The following ATP10B variants were observed in gnomAD, a reference collection of about 807,000 sequenced individuals.
ATP10B encodes the protein phospholipid-transporting ATPase VB.
ATP10B carries 122 observed loss-of-function variants against 141.2 expected under a neutral mutation model. That is an observed-to-expected ratio of 0.86 (90% CI 0.75 to 1.00). The LOEUF is 1.00. Among genes scored for constraint, ATP10B ranks in the 50% least tolerant of loss-of-function variants. ATP10B has a pLI of 0.00. For synonymous variants in ATP10B, 685 were observed against 692.0 expected, an observed-to-expected ratio of 0.99 and a Z score of 0.16; for missense variants, 1,876 against 1,825.3, an observed-to-expected ratio of 1.03 and a Z score of -0.51.
intron 2 of ATP10B, among the ~76,000 whole-genome samples, chr5:160,738,581 G>A (rs1429378935): frequency 1.3e-5 from 2 of 151,970 alleles, no homozygotes; most frequent in African/African-American, 2.4e-5. Context: ...CTACAATCAT[G>A]AAAGGATAAT....
chr5:160,642,220 C>T (rs1759923837), intron 9 of ATP10B, among the ~76,000 whole-genome samples: 2 of 152,268 alleles, frequency 1.3e-5, no homozygotes, highest in South Asian at 4.1e-4. Context: ...AATTCCTCAT[C>T]TAAAAAATGG....
chr5:160,852,573 A>G (rs2127994022), upstream of ATP10B, among the ~76,000 whole-genome samples: 1 of 152,276 alleles, frequency 6.6e-6, no homozygotes, highest in African/African-American at 2.4e-5. Context: ...ATTTGCCCTC[A>G]AAGCTTCAGA....
intron 2 of ATP10B, among the ~76,000 whole-genome samples, chr5:160,746,516 C>T (rs1019468236): frequency 4.6e-5 from 7 of 151,858 alleles, no homozygotes; most frequent in African/African-American, 7.3e-5. Context: ...CTCAGCCTCC[C>T]GGGTAGCTGG....
intron 6 of ATP10B, among the ~76,000 whole-genome samples, chr5:160,678,199 C>CCTGT (rs1390054784): frequency 1.3e-5 from 2 of 152,166 alleles, no homozygotes; most frequent in Non-Finnish European, 2.9e-5. Context: ...TCATTATAAC[C>CCTGT]CTGTCCACTG....
intron 1 of ATP10B, among the ~76,000 whole-genome samples, chr5:160,850,944 AAAC>A (rs1260861650): frequency 2.0e-5 from 3 of 152,348 alleles, no homozygotes; most frequent in East Asian, 3.9e-4. Context: ...TCTAGACAGA[AAAC>A]AACATCTGTG....
chr5:160,908,073 T>A, the ATP10B span, among the ~76,000 whole-genome samples: 1 of 152,174 alleles, frequency 6.6e-6, no homozygotes, highest in Non-Finnish European at 1.5e-5. Context: ...GTTCAGTTTG[T>A]CTGTTGTGTG....
At chr5:160,804,192 C>T (rs1290426312) in intron 1 of ATP10B, among the ~76,000 whole-genome samples, 2 of 152,150 alleles carry the variant, frequency 1.3e-5, no homozygotes, top group East Asian at 1.9e-4. Context: ...TCATCACTTC[C>T]TTAGGAAACA....
chr5:160,889,891 C>T, the ATP10B span, among the ~76,000 whole-genome samples: 1 of 152,168 alleles, frequency 6.6e-6, no homozygotes, highest in Non-Finnish European at 1.5e-5. Flanking sequence ...CAGAACCTGA[C>T]ATCTCCTGTC....
chr5:160,821,006 T>G (rs1774061242), intron 1 of ATP10B, among the ~76,000 whole-genome samples: 1 of 151,786 alleles, frequency 6.6e-6, no homozygotes, highest in Non-Finnish European at 1.5e-5. Flanking sequence ...TACTTTCACC[T>G]AGCTAGAGCA....
At chr5:160,819,005 G>T (rs1302292032) in intron 1 of ATP10B, among the ~76,000 whole-genome samples, 2 of 152,108 alleles carry the variant, frequency 1.3e-5, no homozygotes, top group Non-Finnish European at 2.9e-5. Context: ...GTTGCTGGGG[G>T]GTGGGAGTGG....
chr5:160,617,593 T>A (rs2071040243), intron 16 of ATP10B, among the ~76,000 whole-genome samples: 1 of 152,158 alleles, frequency 6.6e-6, no homozygotes, highest in Non-Finnish European at 1.5e-5. Context: ...AAATTATAAC[T>A]GAAAAAATGT....
intron 2 of ATP10B, among the ~76,000 whole-genome samples, chr5:160,774,520 G>A (rs2127863820): frequency 6.6e-6 from 1 of 152,264 alleles, no homozygotes; most frequent in African/African-American, 2.4e-5. Context: ...CAAGCTGTTG[G>A]CAAAGAATTA....
At chr5:160,621,025 T>C in intron 14 of ATP10B, 75 bp from the exon 15 acceptor site, 1 of 1,504,010 alleles carries the variant, frequency 6.6e-7, no homozygotes, top group Non-Finnish European at 8.9e-7. Flanking sequence ...ATGCGGAATA[T>C]GAAGGTACTT....
intron 10 of ATP10B, among the ~76,000 whole-genome samples, chr5:160,636,699 CCTT>C (rs1248173063): frequency 1.3e-5 from 2 of 152,028 alleles, no homozygotes; most frequent in African/African-American, 4.8e-5. Context: ...CTAGTCTTCC[CCTT>C]CTTATCCCAT....
chr5:160,875,362 T>C, the ATP10B span, among the ~76,000 whole-genome samples: 11,710 of 58,378 alleles, frequency 0.2, 1,565 homozygotes, highest in East Asian at 0.42. Context: ...CCAGGCCTGC[T>C]CTAAAAGAGC....
chr5:160,752,545 G>A (rs1034177675), intron 2 of ATP10B, among the ~76,000 whole-genome samples: 3 of 152,058 alleles, frequency 2.0e-5, no homozygotes, highest in African/African-American at 7.2e-5. Flanking sequence ...ATCTTTTTGG[G>A]TTAAAGAATC....
chr5:160,903,969 C>T, the ATP10B span, among the ~76,000 whole-genome samples: 1 of 152,204 alleles, frequency 6.6e-6, no homozygotes, highest in South Asian at 2.1e-4. Context: ...TATGGGTCAT[C>T]CTCACCTGAC....
At chr5:160,813,877 T>A (rs568694687) in intron 1 of ATP10B, among the ~76,000 whole-genome samples, 1 of 152,216 alleles carries the variant, frequency 6.6e-6, no homozygotes, top group Admixed American at 6.5e-5. Context: ...AAACAGGGTC[T>A]GGAGTGGACC....
At chr5:160,623,890 T>C (rs1290762618) in intron 13 of ATP10B, among the ~76,000 whole-genome samples, 1 of 152,202 alleles carries the variant, frequency 6.6e-6, no homozygotes, top group Non-Finnish European at 1.5e-5. Context: ...TTAATCTCTC[T>C]AGAGATAAGG....
Sources: allele counts gnomAD v4.1 joint callset (sites outside exome capture counted in the v4.1 genomes callset), GRCh38; gene constraint gnomAD v4.1.1; transcripts MANE v1.5; gene names NCBI Gene and HGNC (gene_info 2026-07-23, HGNC 2026-07-21).